Variants in CSGALNACT2 observed in about 807,000 individuals in gnomAD.
The protein encoded by CSGALNACT2 is beta 4 GalNAcT-2.
In CSGALNACT2, 35 loss-of-function variants were observed where a neutral mutation model predicts 55.3. That is an observed-to-expected ratio of 0.63 (90% CI 0.48 to 0.84). The LOEUF (loss-of-function observed/expected upper bound fraction) is 0.84. Among genes scored for constraint, CSGALNACT2 ranks in the 40% least tolerant of loss-of-function variants. The probability of loss-of-function intolerance (pLI) is 0.00; values close to 1 mark genes in which losing one functional copy is unlikely to be tolerated. For missense variants in CSGALNACT2, 544 were observed against 657.5 expected (o/e 0.83, Z 1.89); for synonymous variants, 196 against 224.9 (o/e 0.87, Z 1.15).
At chr10:43,178,525 G>A (rs1588915360) in intron 7 of CSGALNACT2, among the ~76,000 whole-genome samples, 3 of 151,528 alleles carry the variant, frequency 2.0e-5, no homozygotes. Context: ...GGAGGCTGAG[G>A]CAGGAGAATG....
intron 4 of CSGALNACT2, among the ~76,000 whole-genome samples, chr10:43,161,152 C>T (rs1045120428): frequency 6.6e-5 from 10 of 152,118 alleles, no homozygotes; most frequent in African/African-American, 2.2e-4. Context: ...ATTAGTAATC[C>T]CTTAGTACTT....
intron 5 of CSGALNACT2, among the ~76,000 whole-genome samples, chr10:43,166,155 G>T (rs1839260740): frequency 6.6e-6 from 1 of 152,188 alleles, no homozygotes; most frequent in Non-Finnish European, 1.5e-5. Flanking sequence ...TGCAAAATGT[G>T]AAAGTTGAAG....
chr10:43,142,686 A>G (rs2133087599), intron 1 of CSGALNACT2, among the ~76,000 whole-genome samples: 1 of 152,358 alleles, frequency 6.6e-6, no homozygotes, highest in South Asian at 2.1e-4. Flanking sequence ...TGTCTGACCT[A>G]AAATATTTGC....
chr10:43,177,645 C>T (rs1695746452), intron 7 of CSGALNACT2, among the ~76,000 whole-genome samples: 1 of 152,214 alleles, frequency 6.6e-6, no homozygotes, highest in Non-Finnish European at 1.5e-5. Flanking sequence ...GGTTATACCA[C>T]ATTTTGTTTC....
At chr10:43,174,219 TGAAAA>T (rs1353982525) in intron 6 of CSGALNACT2, among the ~76,000 whole-genome samples, 6 of 151,504 alleles carry the variant, frequency 4.0e-5, no homozygotes, top group Non-Finnish European at 5.9e-5. Flanking sequence ...AAAAAAAAAT[TGAAAA>T]GAAAAATGCC....
chr10:43,180,521 A>G (rs1300573064), intron 7 of CSGALNACT2, among the ~76,000 whole-genome samples: 1 of 152,164 alleles, frequency 6.6e-6, no homozygotes, highest in African/African-American at 2.4e-5. Context: ...TCTTTCCATT[A>G]GAGCCCTTAG....
intron 1 of CSGALNACT2, among the ~76,000 whole-genome samples, chr10:43,143,226 A>G (rs181377996): frequency 1.7e-4 from 26 of 152,362 alleles, no homozygotes; most frequent in East Asian, 1.5e-3. Flanking sequence ...TGTAGGTACT[A>G]TCTACATCAG....
At position 43,138,555 on chromosome 10, in the gene CSGALNACT2, G is replaced by A. The variant is rs1838544351; in HGVS notation, c.-266G>A. On this transcript the variant is annotated 5_prime_UTR_variant, in exon 1 of 8. Coordinates refer to ENST00000374466, the MANE Select transcript of CSGALNACT2 (RefSeq NM_018590.5). ...GGCGCAGGAGGCGGTGGAGCGCAGA[G>A]CGGGCGAGCGCGGTGAGTACCTGGC... The A allele has an allele frequency of 6.6e-6, 1 of 150,594 alleles. No homozygotes were observed. Among genetic ancestry groups the A allele is most frequent in the African/African-American group, 2.4e-5 (1 of 41,256 alleles). 9.3% of individuals were successfully genotyped at this position (150,594 alleles called of 1,614,324 possible).
Position 43,155,685 on chromosome 10 carries a change from A to T in CSGALNACT2, c.536A>T (p.Glu179Val). 1 of 1,614,156 alleles carries T rather than the reference A, an allele frequency of 6.2e-7. No individual in the cohort carries two copies. The highest frequency in any genetic ancestry group is 8.5e-7 in the Non-Finnish European group (1 of 1,180,024). The change falls in exon 2 of 8, where the codon GAA (glutamate) becomes GTA (valine). Residue 179 changes from glutamate to valine, a missense_variant. Physicochemically the swap from Glu to Val is moderately radical, Grantham distance 121. Transcript: ENST00000374466. ...EKPVRKDKRD[E>V]LVEVIEAGLE... ...CCAGTTAGAAAAGACAAACGAGATGAATTGGTGGAAGTTATTGAAGCGGGC... is the reference window on the plus strand; with the variant it reads ...CCAGTTAGAAAAGACAAACGAGATGTATTGGTGGAAGTTATTGAAGCGGGC...
At chr10:43,161,067 G>A (rs189180958) in intron 4 of CSGALNACT2, among the ~76,000 whole-genome samples, 84 of 152,176 alleles carry the variant, frequency 5.5e-4, no homozygotes, top group African/African-American at 1.6e-3. Context: ...TCAACATCAC[G>A]AGACAGTAGT....
At chr10:43,145,847 T>A (rs1838735653) in intron 1 of CSGALNACT2, among the ~76,000 whole-genome samples, 2 of 152,202 alleles carry the variant, frequency 1.3e-5, no homozygotes, top group Non-Finnish European at 2.9e-5. Context: ...GTCCAGGGGA[T>A]TTACAGACCT....
intron 1 of CSGALNACT2, among the ~76,000 whole-genome samples, chr10:43,153,005 G>GT (rs1442442706): frequency 1.3e-5 from 2 of 151,680 alleles, no homozygotes; most frequent in African/African-American, 2.4e-5. Context: ...TTTTTTTTCT[G>GT]TTTTTTTCTA....
At chr10:43,182,278 G>A (rs1010443304) in intron 7 of CSGALNACT2, among the ~76,000 whole-genome samples, 2 of 152,038 alleles carry the variant, frequency 1.3e-5, no homozygotes, top group African/African-American at 4.8e-5. Context: ...TCTTCCTCAA[G>A]ACACTTTCTT....
intron 7 of CSGALNACT2, among the ~76,000 whole-genome samples, chr10:43,182,079 C>G (rs1274520530): frequency 6.6e-6 from 1 of 150,856 alleles, no homozygotes; most frequent in Non-Finnish European, 1.5e-5. Flanking sequence ...AATTTATGTT[C>G]TTCTGCCATG....
intron 7 of CSGALNACT2, among the ~76,000 whole-genome samples, chr10:43,183,012 A>C (rs1216211822): frequency 6.6e-6 from 1 of 152,112 alleles, no homozygotes; most frequent in Non-Finnish European, 1.5e-5. Context: ...GTGTTCTTAA[A>C]TATTTAACCC....
chr10:43,162,096 A>T (rs1011339729), intron 4 of CSGALNACT2: 2 of 507,678 alleles, frequency 3.9e-6, no homozygotes, highest in Admixed American at 4.0e-5. Context: ...AAATCAAAAC[A>T]ACTCTTGTTT....
chr10:43,169,286 C>G (rs115835021), intron 6 of CSGALNACT2, among the ~76,000 whole-genome samples: 1 of 152,128 alleles, frequency 6.6e-6, no homozygotes, highest in Non-Finnish European at 1.5e-5. Context: ...TAGCAATTAA[C>G]CAAGACTAAC....
chr10:43,141,168 C>T (rs1273942740), intron 1 of CSGALNACT2, among the ~76,000 whole-genome samples: 1 of 151,948 alleles, frequency 6.6e-6, no homozygotes, highest in Non-Finnish European at 1.5e-5. Flanking sequence ...CTCTGGATTC[C>T]AGGAGTTTGA....
intron 2 of CSGALNACT2, 77 bp downstream of exon 2, chr10:43,155,887 G>C: frequency 8.5e-7 from 1 of 1,171,294 alleles, no homozygotes; most frequent in Non-Finnish European, 1.2e-6. Context: ...TTGTATTGTA[G>C]TATTGTACTG....
Sources: allele counts gnomAD v4.1 joint callset (sites outside exome capture counted in the v4.1 genomes callset), GRCh38; gene constraint gnomAD v4.1.1; transcripts MANE v1.5; gene names NCBI Gene and HGNC (gene_info 2026-07-23, HGNC 2026-07-21).